POFUT3: variants seen among roughly 807,000 people sequenced by gnomAD.
The protein encoded by POFUT3 is protein O-fucosyltransferase 3.
At chr8:33,349,371 G>A in the POFUT3 span, among the ~76,000 whole-genome samples, 1 of 152,092 alleles carries the variant, frequency 6.6e-6, no homozygotes, top group African/African-American at 2.4e-5. Context: ...TGAGATTTTG[G>A]TGCACCCATC....
the POFUT3 span, among the ~76,000 whole-genome samples, chr8:33,453,818 CA>C: frequency 6.6e-6 from 1 of 152,016 alleles, no homozygotes; most frequent in African/African-American, 2.4e-5. Flanking sequence ...ATGGTGGCGG[CA>C]CACACCTGTA....
At chr8:33,442,573 T>C in the POFUT3 span, among the ~76,000 whole-genome samples, 1 of 151,874 alleles carries the variant, frequency 6.6e-6, no homozygotes, top group Non-Finnish European at 1.5e-5. Flanking sequence ...CATGAGCCAC[T>C]GTACCTGGCC....
the POFUT3 span, among the ~76,000 whole-genome samples, chr8:33,379,576 G>A: frequency 2.0e-5 from 3 of 151,922 alleles, no homozygotes; most frequent in Non-Finnish European, 4.4e-5. Flanking sequence ...AGTGGCTCAC[G>A]CCTGTAATCT....
chr8:33,422,734 T>C, the POFUT3 span, among the ~76,000 whole-genome samples: 2 of 151,796 alleles, frequency 1.3e-5, no homozygotes, highest in African/African-American at 4.8e-5. Context: ...ATACCTACAA[T>C]AGGGTGGATT....
At chr8:33,318,494 A>G in the POFUT3 span, among the ~76,000 whole-genome samples, 14 of 122,244 alleles carry the variant, frequency 1.1e-4, no homozygotes, top group Non-Finnish European at 2.2e-4. Context: ...TAATGTACAT[A>G]TATTATAATA....
chr8:33,314,368 G>A, the POFUT3 span, among the ~76,000 whole-genome samples: 2 of 152,094 alleles, frequency 1.3e-5, no homozygotes, highest in African/African-American at 2.4e-5. Flanking sequence ...TGTATTATTT[G>A]CCTTTCAAAG....
At chr8:33,453,565 ATC>A in the POFUT3 span, 8 of 1,420,656 alleles carry the variant, frequency 5.6e-6, no homozygotes, top group African/African-American at 1.1e-4. Flanking sequence ...CCTTTTGCAC[ATC>A]TCTCATTAAT....
the POFUT3 span, chr8:33,389,241 T>C: frequency 6.2e-7 from 1 of 1,614,140 alleles, no homozygotes; most frequent in African/African-American, 1.3e-5. Context: ...AGCCAGTCTG[T>C]GATGCTGGGG....
the POFUT3 span, among the ~76,000 whole-genome samples, chr8:33,427,192 G>T: frequency 3.9e-5 from 6 of 152,142 alleles, no homozygotes; most frequent in African/African-American, 1.4e-4. Flanking sequence ...AGGCATAGTG[G>T]CATGCATCTA....
chr8:33,404,334 T>C, the POFUT3 span, among the ~76,000 whole-genome samples: 1 of 125,676 alleles, frequency 8.0e-6, no homozygotes, highest in African/African-American at 3.4e-5. Flanking sequence ...TAAGGCTCTG[T>C]CTCAAAAAAA....
At chr8:33,392,454 T>C in the POFUT3 span, among the ~76,000 whole-genome samples, 3 of 151,274 alleles carry the variant, frequency 2.0e-5, no homozygotes, top group Admixed American at 6.6e-5. Flanking sequence ...CACATGGTAG[T>C]AGTAATCCCA....
the POFUT3 span, among the ~76,000 whole-genome samples, chr8:33,341,621 G>A: frequency 6.6e-6 from 1 of 151,958 alleles, no homozygotes; most frequent in Non-Finnish European, 1.5e-5. Flanking sequence ...CATTAAAGGT[G>A]GGGGAAAGCC....
chr8:33,380,045 A>AG, the POFUT3 span, among the ~76,000 whole-genome samples: 1 of 80,586 alleles, frequency 1.2e-5, no homozygotes, highest in Non-Finnish European at 2.1e-5. Context: ...TATACGATAT[A>AG]TATACACTAT....
chr8:33,313,240 C>T, the POFUT3 span, among the ~76,000 whole-genome samples: 1 of 152,096 alleles, frequency 6.6e-6, no homozygotes, highest in Non-Finnish European at 1.5e-5. Flanking sequence ...TCAGGGTAAG[C>T]CAACTTCTGG....
chr8:33,424,924 G>A, the POFUT3 span, among the ~76,000 whole-genome samples: 27 of 152,176 alleles, frequency 1.8e-4, no homozygotes, highest in Admixed American at 1.6e-3. Context: ...AGATTCAACA[G>A]TGAGCAAAGT....
At chr8:33,431,458 G>T in the POFUT3 span, among the ~76,000 whole-genome samples, 1 of 137,424 alleles carries the variant, frequency 7.3e-6, no homozygotes, top group Non-Finnish European at 1.5e-5. Context: ...TGAGGCACAA[G>T]AATTGCTTGA....
At chr8:33,315,356 C>A in the POFUT3 span, among the ~76,000 whole-genome samples, 1 of 152,088 alleles carries the variant, frequency 6.6e-6, no homozygotes, top group Admixed American at 6.6e-5. Context: ...CTAAAAATGC[C>A]CTATACCCAA....
At chr8:33,374,353 A>T in the POFUT3 span, among the ~76,000 whole-genome samples, 2 of 152,334 alleles carry the variant, frequency 1.3e-5, no homozygotes, top group African/African-American at 4.8e-5. Context: ...AAGTGTTAAC[A>T]TGAGAAGACA....
chr8:33,380,148 CACTATATATATAT>C, the POFUT3 span, among the ~76,000 whole-genome samples: 407 of 36,490 alleles, frequency 0.011, 19 homozygotes, highest in Admixed American at 0.049. Flanking sequence ...TATATATATA[CACTATATATATAT>C]ACTATATATA....
Sources: allele counts gnomAD v4.1 joint callset (sites outside exome capture counted in the v4.1 genomes callset), GRCh38; gene constraint gnomAD v4.1.1; transcripts MANE v1.5; gene names NCBI Gene and HGNC (gene_info 2026-07-23, HGNC 2026-07-21).